The following DEDD2 variants were observed in gnomAD, a reference collection of about 807,000 sequenced individuals.
DEDD2 encodes DNA-binding death effector domain-containing protein 2.
DEDD2 carries 18 observed loss-of-function variants against 28.9 expected under a neutral mutation model. The ratio of observed to expected loss-of-function variants is 0.62; its 90% CI spans 0.43 to 0.92. The LOEUF (loss-of-function observed/expected upper bound fraction) is 0.92, where lower values mean the gene tolerates loss of function less well. Ranked by LOEUF, DEDD2 falls within the 40% of genes least tolerant of loss-of-function variation. The pLI is 0.00. For synonymous variants in DEDD2, 211 were observed against 206.1 expected (o/e 1.02, Z -0.20); for missense variants, 411 against 463.3 (o/e 0.89, Z 1.04).
intron 4 of DEDD2, among the ~76,000 whole-genome samples, chr19:42,201,053 G>T (rs1477155607): frequency 6.6e-6 from 1 of 152,208 alleles, no homozygotes; most frequent in Non-Finnish European, 1.5e-5. Context: ...CTATCTGCCA[G>T]GCGCCAAGTG....
At chr19:42,205,322 T>C (rs184550067) in intron 4 of DEDD2, among the ~76,000 whole-genome samples, 17 of 152,332 alleles carry the variant, frequency 1.1e-4, no homozygotes, top group Non-Finnish European at 2.2e-4. Flanking sequence ...TAATCTTTTT[T>C]GGCGTGAAAC....
At chr19:42,209,903 G>A in intron 3 of DEDD2, 63 bp from the exon 4 acceptor site, 1 of 1,462,204 alleles carries the variant, frequency 6.8e-7, no homozygotes, top group Non-Finnish European at 9.0e-7. Flanking sequence ...CCAGGTGTAT[G>A]CCTGGAAAAG....
chr19:42,215,028 C>CAT, intron 3 of DEDD2, 105 bp downstream of exon 3: 1 of 1,441,176 alleles, frequency 6.9e-7, no homozygotes, highest in Non-Finnish European at 9.4e-7. Flanking sequence ...CACACACACA[C>CAT]ACAGTGAAAA....
chr19:42,207,400 C>T (rs2035577296), intron 4 of DEDD2, among the ~76,000 whole-genome samples: 1 of 152,162 alleles, frequency 6.6e-6, no homozygotes, highest in African/African-American at 2.4e-5. Context: ...GAAGACAGGA[C>T]ATGCCAGCAT....
chr19:42,201,996 T>C (rs577280802), intron 4 of DEDD2: 4 of 398,436 alleles, frequency 1.0e-5, no homozygotes, highest in Non-Finnish European at 1.8e-5. Flanking sequence ...GACCTTGAGG[T>C]GAGTCCCAGC....
chr19:42,203,894 C>G (rs2035427806), intron 4 of DEDD2, among the ~76,000 whole-genome samples: 1 of 152,224 alleles, frequency 6.6e-6, no homozygotes, highest in African/African-American at 2.4e-5. Flanking sequence ...CAGTGTGGCC[C>G]TGAGGTGGCA....
intron 3 of DEDD2, among the ~76,000 whole-genome samples, chr19:42,211,434 AGG>A (rs2035758400): frequency 2.9e-5 from 1 of 34,132 alleles, no homozygotes; most frequent in South Asian, 8.7e-4. Context: ...GGACGGAGGG[AGG>A]GAGGGAGGGA....
chr19:42,214,065 A>C (rs1312848125), intron 3 of DEDD2, among the ~76,000 whole-genome samples: 1 of 152,198 alleles, frequency 6.6e-6, no homozygotes, highest in Non-Finnish European at 1.5e-5. Flanking sequence ...TATACACATA[A>C]AGCAAAAGTA....
At chr19:42,213,303 A>G (rs1456037969) in intron 3 of DEDD2, among the ~76,000 whole-genome samples, 2 of 152,208 alleles carry the variant, frequency 1.3e-5, no homozygotes, top group Non-Finnish European at 2.9e-5. Flanking sequence ...AAAAATCACC[A>G]TTTTGCAAAC....
intron 3 of DEDD2, 56 bp from the exon 4 acceptor site, chr19:42,209,896 G>A (rs1403234766): frequency 6.8e-7 from 1 of 1,471,510 alleles, no homozygotes; most frequent in Non-Finnish European, 9.0e-7. Flanking sequence ...AGAGTGCCCA[G>A]GTGTATGCCT....
intron 4 of DEDD2, chr19:42,201,828 G>A (rs959894898): frequency 7.6e-6 from 3 of 394,298 alleles, no homozygotes; most frequent in African/African-American, 2.1e-5. Flanking sequence ...CTACCCAGAC[G>A]ACCAGATCCT....
chr19:42,201,614 A>C (rs573707273), intron 4 of DEDD2: 1 of 172,662 alleles, frequency 5.8e-6, no homozygotes, highest in East Asian at 1.5e-4. Flanking sequence ...ACTTTCACAG[A>C]CCATGTCAGC....
intron 4 of DEDD2, among the ~76,000 whole-genome samples, chr19:42,204,233 C>A (rs1045845176): frequency 6.6e-6 from 1 of 152,154 alleles, no homozygotes; most frequent in Non-Finnish European, 1.5e-5. Flanking sequence ...TCACTCAAGT[C>A]GTCTCTCTAA....
rs2035267503 is a variant in DEDD2 at position 42,199,977 on chromosome 19, G to C, written c.590-148C>G. 1 of 1,283,914 alleles carries C rather than the reference G, an allele frequency of 7.8e-7. No homozygotes were observed. The highest frequency in any genetic ancestry group is 1.1e-6 in the Non-Finnish European group (1 of 952,214). The allele number at this position is 1,283,914 out of a possible 1,614,324, so 79.5% of individuals were successfully genotyped here. ...TGACACAGCCTCCCCGGCTCTGTGG[G>C]GTTCCCTGACCAAGTACGTCCTCCT... On this transcript the variant is annotated intron_variant, in intron 4 of 4. Coordinates refer to ENST00000596251, the MANE Select transcript of DEDD2 (RefSeq NM_133328.4). This position sits in a 1 kb window ranked among gnomAD's most constrained non-coding sequence, Gnocchi z 7.4.
intron 4 of DEDD2, among the ~76,000 whole-genome samples, chr19:42,209,260 A>C (rs867681875): frequency 7.2e-5 from 11 of 151,944 alleles, no homozygotes; most frequent in South Asian, 4.2e-4. Flanking sequence ...AGAAAAGAAA[A>C]GAAACGAAAC....
rs760340280 is a variant in DEDD2, at chr19:42,199,596, G to A, written c.823C>T (p.Leu275=). The part of the protein sequence containing the change: ...DYLSGALLQA[L]RGVFLTEALR... ...GCCTCAGTCAGGAACACGCCCCGCA[G>A]GGCCTGCAGCAGGGCGCCACTCAGG... is the stretch of plus-strand genomic sequence containing the variant. The change falls in exon 5 of 5, where the codon CTG becomes TTG. Residue 275 remains leucine, a synonymous_variant. Transcript: ENST00000596251. This position sits in a 1 kb window ranked among gnomAD's most constrained non-coding sequence, Gnocchi z 7.4. 1 of 1,614,118 alleles carries A rather than the reference G, an allele frequency of 6.2e-7. No homozygotes were observed. Among genetic ancestry groups the A allele is most frequent in the Non-Finnish European group, 8.5e-7 (1 of 1,179,986 alleles).
intron 3 of DEDD2, 90 bp from the exon 4 acceptor site, chr19:42,209,930 G>A (rs575842657): frequency 9.6e-5 from 137 of 1,426,826 alleles, no homozygotes; most frequent in Admixed American, 5.6e-4. Context: ...AGGTGTTCTC[G>A]GTGCTGAGAC....
intron 4 of DEDD2, among the ~76,000 whole-genome samples, chr19:42,208,846 G>T (rs1409558248): frequency 6.6e-6 from 1 of 152,244 alleles, no homozygotes; most frequent in Non-Finnish European, 1.5e-5. Flanking sequence ...AGCGTGTGCC[G>T]GGTTGGGCAC....
rs1321086489 is a variant in DEDD2 at position 42,210,981 on chromosome 19, A to G, written c.449-1141T>C. Among the ~76,000 whole-genome samples the G allele has an allele frequency of 3.3e-5, 5 of 150,916 alleles. No individual in the cohort carries two copies. The East Asian group carries it at 6.0e-4, about 18-fold the overall frequency. Reference sequence around the variant, plus strand: ...GCTACTGGGGAAGCTGAGGCAGGAGAATTGCTTGAACCCAGGAGCTGGAGG... The same window carrying G: ...GCTACTGGGGAAGCTGAGGCAGGAGGATTGCTTGAACCCAGGAGCTGGAGG... On this transcript the variant is annotated intron_variant, in intron 3 of 4. Transcript: ENST00000596251.
Sources: allele counts gnomAD v4.1 joint callset (sites outside exome capture counted in the v4.1 genomes callset), GRCh38; gene constraint gnomAD v4.1.1; non-coding constraint Gnocchi (gnomAD v3.1); transcripts MANE v1.5; gene names NCBI Gene and HGNC (gene_info 2026-07-23, HGNC 2026-07-21).